The following ESYT3 variants were observed in gnomAD, a reference collection of about 807,000 sequenced individuals.
ESYT3 encodes the protein extended synaptotagmin-3.
ESYT3 carries 101 observed loss-of-function variants against 111.5 expected under a neutral mutation model. The ratio of observed to expected loss-of-function variants is 0.91; its 90% CI spans 0.77 to 1.07. ESYT3 has a LOEUF of 1.07. ESYT3 is among the 50% of genes least tolerant of loss of function. ESYT3 has a pLI of 0.00. For synonymous variants in ESYT3, 416 were observed against 446.8 expected (o/e 0.93, Z 0.87); for missense variants, 1,097 against 1,109.4 (o/e 0.99, Z 0.16).
chr3:138,466,607 T>G (rs2032941860), intron 10 of ESYT3, among the ~76,000 whole-genome samples: 1 of 152,190 alleles, frequency 6.6e-6, no homozygotes, highest in Admixed American at 6.5e-5. Context: ...CATTTTCCCC[T>G]CTGGCTGTCA....
In ESYT3 at chr3:138,440,530, G is replaced by A. The variant is rs1055123477; in HGVS notation, c.327+5405G>A. ...AAGCCTGATGCTTGGAGCCAGGGCCGTGGAACCTGATTTTAAACATCAGGA... is the reference window on the plus strand; with the variant it reads ...AAGCCTGATGCTTGGAGCCAGGGCCATGGAACCTGATTTTAAACATCAGGA... On this transcript the variant is annotated intron_variant, in intron 1 of 22. Coordinates refer to ENST00000389567, the MANE Select transcript of ESYT3 (RefSeq NM_031913.5). This position sits in a 1 kb window ranked among gnomAD's most constrained non-coding sequence, Gnocchi z 4.2. Among the ~76,000 whole-genome samples, 3 of 152,188 alleles carry A rather than the reference G, an allele frequency of 2.0e-5. No homozygotes were observed. Among genetic ancestry groups the A allele is most frequent in the Admixed American group, 6.5e-5 (1 of 15,282 alleles).
At chr3:138,468,263 T>A in intron 12 of ESYT3, 69 bp downstream of exon 12, 2 of 1,456,218 alleles carry the variant, frequency 1.4e-6, no homozygotes, top group Non-Finnish European at 1.9e-6. Context: ...TGTGTGCAGG[T>A]GGAGGAAGGG....
At chr3:138,469,989 T>C in intron 15 of ESYT3, 71 bp from the exon 16 acceptor site, 1 of 1,347,178 alleles carries the variant, frequency 7.4e-7, no homozygotes, top group South Asian at 1.2e-5. Context: ...GCCAGAGTGA[T>C]AGCAGAGGGT....
chr3:138,460,654 C>T lies in ESYT3; in HGVS notation c.782C>T (p.Ala261Val), dbSNP rs201949984. The T allele has an allele frequency of 6.8e-5, 110 of 1,614,028 alleles. No homozygotes were observed. The East Asian group carries it at 1.0e-3, about 15-fold the overall frequency. The stretch of plus-strand genomic sequence containing the variant: ...ACTGGCCTGACCAACCTGCTGGATG[C>T]GCCGGGAATCAAGTAGGTGCCTGGG... ...NWTGLTNLLDAPGINDVSDSL... is the reference protein window; with the variant it reads ...NWTGLTNLLDVPGINDVSDSL... The change falls in exon 7 of 23, where the codon GCG (alanine) becomes GTG (valine). Residue 261 changes from alanine to valine, a missense_variant. Transcript: ENST00000389567.
chr3:138,455,438 C>T, intron 3 of ESYT3, 110 bp downstream of exon 3: 1 of 1,256,086 alleles, frequency 8.0e-7, no homozygotes, highest in Non-Finnish European at 1.1e-6. Flanking sequence ...GCAGAGATCC[C>T]ACTGGACCTT....
At position 138,470,078 on chromosome 3, in the gene ESYT3, G is replaced by C; in HGVS notation, c.1522G>C (p.Asp508His). The change falls in exon 16 of 23, where the codon GAC (aspartate) becomes CAC (histidine). Residue 508 changes from aspartate to histidine, a missense_variant. Coordinates refer to ENST00000389567, the MANE Select transcript of ESYT3 (RefSeq NM_031913.5). ...TTCCCAGACCTGTCCCCACAACAAG[G>C]ACCCTGTGTGGAGCCAGGTGTTCTC... ...HTSKTCPHNKDPVWSQVFSFF... is the reference protein window; with the variant it reads ...HTSKTCPHNKHPVWSQVFSFF... 2 of 1,612,932 alleles carry C rather than the reference G, an allele frequency of 1.2e-6. No homozygotes were observed. Among genetic ancestry groups the C allele is most frequent in the African/African-American group, 1.3e-5 (1 of 74,998 alleles).
intron 1 of ESYT3, among the ~76,000 whole-genome samples, chr3:138,446,390 C>T (rs1160666824): frequency 6.6e-6 from 1 of 152,164 alleles, no homozygotes; most frequent in Non-Finnish European, 1.5e-5. Flanking sequence ...ACTTTAGTTT[C>T]CTTATCTGTA....
intron 4 of ESYT3, 75 bp downstream of exon 4, chr3:138,457,719 T>A: frequency 7.4e-7 from 1 of 1,345,714 alleles, no homozygotes; most frequent in Non-Finnish European, 1.1e-6. Context: ...GAAGATGGAG[T>A]AGTATATATA....
rs183467500 is a variant in ESYT3, at chr3:138,476,387, A to G, written c.2575-56A>G. ...ATTATGATCAATTCGCCTTATCCCA[A>G]TTTCTTTCCTTAATGCAGTGTTTTG... is the stretch of plus-strand genomic sequence containing the variant. On this transcript the variant is annotated intron_variant, in intron 21 of 22. Coordinates refer to ENST00000389567, the MANE Select transcript of ESYT3 (RefSeq NM_031913.5). The G allele has an allele frequency of 3.9e-5, 62 of 1,605,416 alleles. No individual in the cohort carries two copies. The East Asian group carries it at 1.0e-3, about 27-fold the overall frequency.
intron 2 of ESYT3, 88 bp downstream of exon 2, chr3:138,452,177 C>T (rs569640885): frequency 6.8e-6 from 9 of 1,319,958 alleles, no homozygotes; most frequent in Non-Finnish European, 9.5e-6. Context: ...TGATGGGGGC[C>T]TCGCGGCAAT....
At chr3:138,481,359 CA>C (rs2033684809), downstream of ESYT3, 1 of 152,370 alleles carries the variant, frequency 6.6e-6, no homozygotes, top group Non-Finnish European at 1.5e-5. Context: ...CTGGGCAACA[CA>C]GTGAGATCCC....
chr3:138,450,436 C>T (rs934191181), intron 1 of ESYT3, among the ~76,000 whole-genome samples: 2 of 152,172 alleles, frequency 1.3e-5, no homozygotes, highest in African/African-American at 4.8e-5. Flanking sequence ...CTTCCCGCAT[C>T]GATCTCTTCT....
intron 17 of ESYT3, among the ~76,000 whole-genome samples, chr3:138,471,488 A>T (rs1362040827): frequency 1.3e-5 from 2 of 152,198 alleles, no homozygotes; most frequent in African/African-American, 4.8e-5. Flanking sequence ...TTCTCATAGA[A>T]TTTTATTATC....
intron 11 of ESYT3, 121 bp downstream of exon 11, chr3:138,467,730 C>T (rs2033003126): frequency 6.6e-6 from 6 of 909,328 alleles, no homozygotes. Flanking sequence ...TGCTAGGCTC[C>T]ATCCTCAGGG....
At chr3:138,449,240 A>T (rs2031772361) in intron 1 of ESYT3, among the ~76,000 whole-genome samples, 1 of 151,812 alleles carries the variant, frequency 6.6e-6, no homozygotes, top group Admixed American at 6.6e-5. Context: ...GTGTGCCACC[A>T]TGCCCACCTA....
intron 1 of ESYT3, among the ~76,000 whole-genome samples, chr3:138,444,489 T>G (rs1356655750): frequency 6.6e-6 from 1 of 152,222 alleles, no homozygotes; most frequent in Non-Finnish European, 1.5e-5. Flanking sequence ...TGGATTTGTC[T>G]CTAACACCAA....
chr3:138,475,447 A>G (rs1483025635), intron 20 of ESYT3, among the ~76,000 whole-genome samples: 1 of 152,190 alleles, frequency 6.6e-6, no homozygotes, highest in Non-Finnish European at 1.5e-5. Flanking sequence ...CCACCCTAAA[A>G]ATAAACCTAA....
rs900382786 is a variant in ESYT3 at position 138,479,678 on chromosome 3, G to A, written c.*2824G>A. 1 of 152,182 alleles carries A rather than the reference G, an allele frequency of 6.6e-6. No individual in the cohort carries two copies. Among genetic ancestry groups the A allele is most frequent in the Non-Finnish European group, 1.5e-5 (1 of 68,042 alleles). The allele number at this position is 152,182 out of a possible 1,614,324, so 9.4% of individuals were successfully genotyped here. On this transcript the variant is annotated 3_prime_UTR_variant, in exon 23 of 23. Transcript: ENST00000389567. ...TTTACCCTTGGCTCATGGCCTTCAT[G>A]TTTTATCAGCAGGCAACACCTTTTG...
intron 4 of ESYT3, among the ~76,000 whole-genome samples, chr3:138,458,915 T>C (rs192244879): frequency 4.5e-4 from 68 of 152,240 alleles, no homozygotes; most frequent in Admixed American, 7.8e-4. Context: ...ACTGCTCTCA[T>C]GGTCAGAGAT....
Sources: gnomAD v4.1 joint callset for allele counts (sites outside exome capture counted in the v4.1 genomes callset) on GRCh38, gnomAD v4.1.1 for gene constraint, Gnocchi (gnomAD v3.1) non-coding constraint, MANE v1.5 for transcripts, NCBI Gene and HGNC (gene_info 2026-07-23, HGNC 2026-07-21) for gene names.